Variants in CACNA1A observed in about 807,000 individuals in gnomAD.
The protein encoded by CACNA1A is voltage-dependent P/Q-type calcium channel subunit alpha-1A.
Under a neutral mutation model 262.4 loss-of-function variants are expected in CACNA1A, and 57 were observed. The observed-to-expected ratio is 0.22, with a 90% CI of 0.18 to 0.27. The LOEUF is 0.27. Ranked by LOEUF, CACNA1A falls within the 10% of genes least tolerant of loss-of-function variation. The pLI is 1.00. For synonymous variants in CACNA1A, 1,431 were observed against 1,419.3 expected, an observed-to-expected ratio of 1.01 and a Z score of -0.18; for missense variants, 2,526 against 3,562.8, an observed-to-expected ratio of 0.71 and a Z score of 7.41.
chr19:13,428,768 T>C (rs560472726), intron 3 of CACNA1A, among the ~76,000 whole-genome samples: 50 of 152,194 alleles, frequency 3.3e-4, no homozygotes, highest in African/African-American at 1.0e-3. Flanking sequence ...TGCGATCCGC[T>C]CTCATGGATG....
chr19:13,228,976 T>G, intron 36 of CACNA1A: 1 of 383,170 alleles, frequency 2.6e-6, no homozygotes, highest in Non-Finnish European at 4.7e-6. Context: ...GGGTGTAGGA[T>G]GTCAGTCGAG....
intron 3 of CACNA1A, among the ~76,000 whole-genome samples, chr19:13,375,382 G>C (rs373310012): frequency 1.6e-4 from 24 of 152,232 alleles, no homozygotes; most frequent in African/African-American, 5.8e-4. Context: ...AATTAGGTCA[G>C]TGTATAACTG....
chr19:13,481,825 G>A (rs1442090576), intron 1 of CACNA1A, among the ~76,000 whole-genome samples: 1 of 152,096 alleles, frequency 6.6e-6, no homozygotes, highest in African/African-American at 2.4e-5. Flanking sequence ...CCAGGAAAGT[G>A]ACTGCTTGGT....
At chr19:13,307,758 C>G in intron 15 of CACNA1A, 24 bp downstream of exon 15, 4 of 1,609,840 alleles carry the variant, frequency 2.5e-6, no homozygotes, top group Non-Finnish European at 3.4e-6. Flanking sequence ...GGTGTTGGCC[C>G]GTGGGGCCAG....
chr19:13,458,263 G>A (rs1373449129), intron 1 of CACNA1A, among the ~76,000 whole-genome samples: 2 of 151,978 alleles, frequency 1.3e-5, no homozygotes, highest in Non-Finnish European at 2.9e-5. Flanking sequence ...AGGCTCAAAC[G>A]ATCCTCCTGC....
In CACNA1A at chr19:13,234,802, AAGG is replaced by A. The variant is rs1243496469; in HGVS notation, c.5249+116_5249+118del. The A allele has an allele frequency of 5.5e-6, 4 of 721,732 alleles. 1 individual carries two copies. The highest frequency in any genetic ancestry group is 3.4e-5 in the South Asian group (2 of 59,250). 44.7% of individuals were successfully genotyped at this position (721,732 alleles called of 1,614,324 possible). On this transcript the variant is annotated intron_variant, in intron 34 of 46. Transcript: ENST00000360228. ...TGAGGGCGCGCCCCTGCCAGAAGAG[AAGG>A]AGGAGGGCACGTCTTGCATTGGAAG...
chr19:13,264,445 C>T (rs983029697), intron 24 of CACNA1A, among the ~76,000 whole-genome samples: 1 of 152,234 alleles, frequency 6.6e-6, no homozygotes, highest in Non-Finnish European at 1.5e-5. Flanking sequence ...GTCACTCTTT[C>T]TCTTGCTCAG....
chr19:13,379,224 T>C (rs967561167), intron 3 of CACNA1A, among the ~76,000 whole-genome samples: 2 of 152,046 alleles, frequency 1.3e-5, no homozygotes, highest in African/African-American at 4.8e-5. Flanking sequence ...CAAGCAATCC[T>C]CCTGCCTTGG....
intron 38 of CACNA1A, among the ~76,000 whole-genome samples, chr19:13,216,406 C>T (rs186092831): frequency 6.1e-5 from 9 of 147,364 alleles, no homozygotes; most frequent in African/African-American, 2.0e-4. Context: ...GGCATGATCT[C>T]GGCTCACTGC....
chr19:13,257,590 GGAGA>G (rs1568468403), intron 27 of CACNA1A, 39 bp from the exon 28 acceptor site: 1 of 1,445,390 alleles, frequency 6.9e-7, no homozygotes. Context: ...GGGGCAGGAA[GGAGA>G]GAGACAGGGA....
In CACNA1A at chr19:13,212,019, G is replaced by A; in HGVS notation, c.6303+84C>T. On this transcript the variant is annotated intron_variant, in intron 43 of 46. Transcript: ENST00000360228. This position sits in a 1 kb window ranked among gnomAD's most constrained non-coding sequence, Gnocchi z 5.6. Reference sequence around the variant, plus strand: ...GGCCTGAGTCCGGCAGGGAGGGGATGCACTGGGCTGCTTGTGGGGGGGCCT... The same window carrying A: ...GGCCTGAGTCCGGCAGGGAGGGGATACACTGGGCTGCTTGTGGGGGGGCCT... 5.3e-6 allele frequency: 5 copies of A among 947,898 alleles called. No individual in the cohort carries two copies. Among genetic ancestry groups the A allele is most frequent in the Admixed American group, 3.9e-5 (2 of 51,228 alleles). The allele number at this position is 947,898 out of a possible 1,614,324, so 58.7% of individuals were successfully genotyped here.
chr19:13,360,798 CTCAGACA>C (rs1234664198), intron 5 of CACNA1A, among the ~76,000 whole-genome samples: 1 of 152,196 alleles, frequency 6.6e-6, no homozygotes, highest in Non-Finnish European at 1.5e-5. Flanking sequence ...TAAAGCAAAG[CTCAGACA>C]TCATATCATT....
chr19:13,255,403 G>A lies in CACNA1A; in HGVS notation c.4591-144C>T, dbSNP rs891355324. The A allele has an allele frequency of 6.6e-5, 47 of 711,930 alleles. No homozygotes were observed. In the South Asian group the frequency reaches 1.1e-3, roughly 16 times the overall value. The allele number at this position is 711,930 out of a possible 1,614,324, so 44.1% of individuals were successfully genotyped here. On this transcript the variant is annotated intron_variant, in intron 28 of 46. Transcript: ENST00000360228. ...TCTTGCCCCCAGCCAGGATTCCTGG[G>A]CTCTCTCTTCCTTCTCACCATTGCT...
At position 13,452,862 on chromosome 19, in the gene CACNA1A, C is replaced by T. The variant is rs1057523199; in HGVS notation, c.539+14G>A. On this transcript the variant is annotated intron_variant, in intron 3 of 46. Coordinates refer to ENST00000360228, the MANE Select transcript of CACNA1A (RefSeq NM_001127222.2). ...AGCTAGTTAAATCCAAAGCGTATAGCACGCGCCACTTACCCCGTTAGCACC... is the reference window on the plus strand; with the variant it reads ...AGCTAGTTAAATCCAAAGCGTATAGTACGCGCCACTTACCCCGTTAGCACC... 1.9e-6 allele frequency: 3 copies of T among 1,612,266 alleles called. No individual in the cohort carries two copies. The highest frequency in any genetic ancestry group is 2.5e-6 in the Non-Finnish European group (3 of 1,178,768).
At chr19:13,288,290 A>C (rs2057454064) in intron 19 of CACNA1A, among the ~76,000 whole-genome samples, 1 of 149,404 alleles carries the variant, frequency 6.7e-6, no homozygotes. Context: ...CCCAGGCTGG[A>C]GTGCAGTGGC....
At chr19:13,387,343 G>A (rs531642577) in intron 3 of CACNA1A, among the ~76,000 whole-genome samples, 5 of 152,284 alleles carry the variant, frequency 3.3e-5, no homozygotes, top group African/African-American at 1.2e-4. Flanking sequence ...TTCTCTTCCA[G>A]GTTGTGTGCT....
At chr19:13,488,168 A>G (rs1245095661) in intron 1 of CACNA1A, among the ~76,000 whole-genome samples, 3 of 151,964 alleles carry the variant, frequency 2.0e-5, no homozygotes, top group Non-Finnish European at 4.4e-5. Flanking sequence ...GAGAGAAGGG[A>G]GCTTGTGGTT....
intron 28 of CACNA1A, among the ~76,000 whole-genome samples, chr19:13,256,008 T>TC (rs2056558497): frequency 7.8e-6 from 1 of 128,038 alleles, no homozygotes; most frequent in Non-Finnish European, 1.7e-5. Context: ...TTTTTTTTTT[T>TC]CTTTGACACG....
chr19:13,208,425 C>A (rs930903793), intron 46 of CACNA1A, among the ~76,000 whole-genome samples: 1 of 151,918 alleles, frequency 6.6e-6, no homozygotes, highest in Non-Finnish European at 1.5e-5. Flanking sequence ...GAAACAAAAA[C>A]AGAAGCCGGG....
Sources: allele counts gnomAD v4.1 joint callset (sites outside exome capture counted in the v4.1 genomes callset), GRCh38; gene constraint gnomAD v4.1.1; non-coding constraint Gnocchi (gnomAD v3.1); transcripts MANE v1.5; gene names NCBI Gene and HGNC (gene_info 2026-07-23, HGNC 2026-07-21).